Variants in MYCBP2 observed in about 807,000 individuals in gnomAD.
MYCBP2 encodes the protein E3 ubiquitin-protein ligase MYCBP2.
MYCBP2 carries 120 observed loss-of-function variants against 525.3 expected under a neutral mutation model. The ratio of observed to expected loss-of-function variants is 0.23; its 90% CI spans 0.20 to 0.27. The LOEUF (loss-of-function observed/expected upper bound fraction) is 0.27. Ranked by LOEUF, MYCBP2 falls within the 10% of genes least tolerant of loss-of-function variation. The pLI is 1.00. For missense variants in MYCBP2, 4,149 were observed against 5,657.1 expected (o/e 0.73, Z 8.55); for synonymous variants, 1,894 against 1,955.8 (o/e 0.97, Z 0.83).
intron 1 of MYCBP2, among the ~76,000 whole-genome samples, chr13:77,312,426 C>A (rs1272652560): frequency 6.6e-6 from 1 of 151,876 alleles, no homozygotes; most frequent in Non-Finnish European, 1.5e-5. Context: ...GTATGCATGA[C>A]AACTATAACA....
intron 2 of MYCBP2, among the ~76,000 whole-genome samples, chr13:77,292,196 G>A (rs897384344): frequency 5.3e-5 from 8 of 152,136 alleles, no homozygotes; most frequent in Non-Finnish European, 1.2e-4. Flanking sequence ...TGACATGAAA[G>A]CTCAGTCAAT....
chr13:77,106,579 T>C (rs1328729560), intron 55 of MYCBP2, among the ~76,000 whole-genome samples: 1 of 152,088 alleles, frequency 6.6e-6, no homozygotes, highest in Non-Finnish European at 1.5e-5. Context: ...ATGCTACAAA[T>C]GAAGACAGCA....
chr13:77,191,645 G>A (rs1595289348), intron 28 of MYCBP2, 34 bp downstream of exon 28: 6 of 1,600,064 alleles, frequency 3.7e-6, no homozygotes, highest in Non-Finnish European at 5.1e-6. Flanking sequence ...ACAAAAATAA[G>A]TATTGCTTAA....
At chr13:77,051,372 T>C (rs960020688) in intron 81 of MYCBP2, among the ~76,000 whole-genome samples, 2 of 152,356 alleles carry the variant, frequency 1.3e-5, no homozygotes, top group African/African-American at 2.4e-5. Context: ...AGATCCAAGT[T>C]CTAATTCCAT....
rs1235595079 is a variant in MYCBP2 at position 77,097,650 on chromosome 13, T to A, written c.9504A>T (p.Glu3168Asp). The change falls in exon 56 of 83, where the codon GAA (glutamate) becomes GAT (aspartate). Residue 3168 changes from glutamate to aspartate, a missense_variant. This residue lies in a region of MYCBP2 where 653 missense variants were observed against 744.7 expected (regional missense o/e 0.88). Transcript: ENST00000544440. Reference sequence around the variant, plus strand: ...CTTTGATAGTAGCCAAAGAGATGTCTTCCCAAAAAGCCACTAAATGTTGTA... The same window carrying A: ...CTTTGATAGTAGCCAAAGAGATGTCATCCCAAAAAGCCACTAAATGTTGTA... ...LTLQHLVAFW[E>D]DISLATIKAA... 1 of 1,613,792 alleles carries A rather than the reference T, an allele frequency of 6.2e-7. No individual in the cohort carries two copies. Among genetic ancestry groups the A allele is most frequent in the Non-Finnish European group, 8.5e-7 (1 of 1,179,846 alleles).
At chr13:77,292,130 A>G (rs1184192324) in intron 2 of MYCBP2, among the ~76,000 whole-genome samples, 1 of 152,210 alleles carries the variant, frequency 6.6e-6, no homozygotes, top group Non-Finnish European at 1.5e-5. Flanking sequence ...CTGAGCAAAA[A>G]CAATATACAC....
intron 42 of MYCBP2, 105 bp from the exon 43 acceptor site, chr13:77,164,646 GA>G (rs1323919181): frequency 1.4e-6 from 1 of 711,608 alleles, no homozygotes; most frequent in African/African-American, 1.7e-5. Flanking sequence ...AAATGAGAAG[GA>G]AGCACGTGAA....
At chr13:77,147,020 A>G (rs1345403931) in intron 47 of MYCBP2, among the ~76,000 whole-genome samples, 2 of 152,168 alleles carry the variant, frequency 1.3e-5, no homozygotes, top group African/African-American at 2.4e-5. Flanking sequence ...TAGATCCCCA[A>G]TGGAATGCTT....
intron 81 of MYCBP2, among the ~76,000 whole-genome samples, chr13:77,051,398 T>G (rs2036782995): frequency 6.6e-6 from 1 of 152,234 alleles, no homozygotes; most frequent in Admixed American, 6.5e-5. Context: ...TCATAATCTA[T>G]CTGATTTAAT....
intron 26 of MYCBP2, among the ~76,000 whole-genome samples, chr13:77,199,002 A>G (rs948901861): frequency 6.6e-6 from 1 of 152,016 alleles, no homozygotes; most frequent in African/African-American, 2.4e-5. Flanking sequence ...TTTTTTAATG[A>G]GTTATTAATT....
At chr13:77,277,928 T>C (rs1029366207) in intron 4 of MYCBP2, among the ~76,000 whole-genome samples, 3 of 152,224 alleles carry the variant, frequency 2.0e-5, no homozygotes, top group African/African-American at 4.8e-5. Context: ...CTTCCATCTA[T>C]ATTTCTATTC....
intron 14 of MYCBP2, among the ~76,000 whole-genome samples, chr13:77,252,913 C>A (rs977512792): frequency 6.6e-6 from 1 of 152,058 alleles, no homozygotes; most frequent in African/African-American, 2.4e-5. Flanking sequence ...AATACTGGAA[C>A]TATTATCCTC....
At chr13:77,206,166 A>T (rs936455474) in intron 24 of MYCBP2, among the ~76,000 whole-genome samples, 6 of 152,002 alleles carry the variant, frequency 3.9e-5, no homozygotes, top group African/African-American at 1.4e-4. Flanking sequence ...CCAGTTACAA[A>T]ATAATATATT....
At chr13:77,225,990 G>T in intron 18 of MYCBP2, among the ~76,000 whole-genome samples, 1 of 152,164 alleles carries the variant, frequency 6.6e-6, no homozygotes, top group Non-Finnish European at 1.5e-5. Flanking sequence ...GGATTCACAA[G>T]TGACTTAGAT....
chr13:77,214,922 T>C (rs1406602082), intron 21 of MYCBP2, among the ~76,000 whole-genome samples: 1 of 152,190 alleles, frequency 6.6e-6, no homozygotes, highest in Non-Finnish European at 1.5e-5. Context: ...ATACAGTGCA[T>C]AACTGTGTAT....
At chr13:77,190,734 C>T (rs1254468379) in intron 28 of MYCBP2, among the ~76,000 whole-genome samples, 1 of 152,136 alleles carries the variant, frequency 6.6e-6, no homozygotes, top group Non-Finnish European at 1.5e-5. Context: ...AGTCCAGGGT[C>T]AAAGTAGTCA....
chr13:77,131,900 T>C, intron 52 of MYCBP2, among the ~76,000 whole-genome samples: 1 of 152,074 alleles, frequency 6.6e-6, no homozygotes, highest in East Asian at 1.9e-4. Flanking sequence ...TGAATAATTA[T>C]CACAGTGAAA....
intron 46 of MYCBP2, among the ~76,000 whole-genome samples, chr13:77,154,737 G>A (rs188858161): frequency 3.7e-4 from 56 of 152,102 alleles, no homozygotes; most frequent in African/African-American, 1.2e-3. Flanking sequence ...ACATCTTAAC[G>A]TGTATTGTAC....
intron 59 of MYCBP2, 91 bp from the exon 60 acceptor site, chr13:77,090,354 A>G (rs2045185147): frequency 1.9e-6 from 2 of 1,078,408 alleles, no homozygotes; most frequent in Admixed American, 5.6e-5. Context: ...GTGACTCAAT[A>G]TTTCATGTGG....
Sources: allele counts gnomAD v4.1 joint callset (sites outside exome capture counted in the v4.1 genomes callset), GRCh38; gene constraint gnomAD v4.1.1; regional missense constraint gnomAD v4.1.1; transcripts MANE v1.5; gene names NCBI Gene and HGNC (gene_info 2026-07-23, HGNC 2026-07-21).